Variants in PSMD5 observed in about 807,000 individuals in gnomAD.
PSMD5 encodes the protein proteasome 26S subunit, non-ATPase 5, also known as 26S proteasome non-ATPase regulatory subunit 5.
PSMD5 carries 40 observed loss-of-function variants against 52.1 expected under a neutral mutation model. That is an observed-to-expected ratio of 0.77 (90% CI 0.60 to 1.00). PSMD5 has a LOEUF of 1.00. Among genes scored for constraint, PSMD5 ranks in the 50% least tolerant of loss-of-function variants. The probability of loss-of-function intolerance (pLI) is 0.00; values close to 1 mark genes in which losing one functional copy is unlikely to be tolerated. For missense variants in PSMD5, 575 were observed against 605.2 expected (o/e 0.95, Z 0.52); for synonymous variants, 211 against 226.6 (o/e 0.93, Z 0.62).
At chr9:120,834,290 T>G (rs1445667896) in intron 1 of PSMD5, among the ~76,000 whole-genome samples, 6 of 152,032 alleles carry the variant, frequency 3.9e-5, no homozygotes, top group Non-Finnish European at 8.8e-5. Flanking sequence ...CGATATATTC[T>G]CTAGTCTTAA....
chr9:120,819,143 G>A (rs1014041543), intron 9 of PSMD5, among the ~76,000 whole-genome samples: 1 of 152,084 alleles, frequency 6.6e-6, no homozygotes, highest in Non-Finnish European at 1.5e-5. Flanking sequence ...AACCTATTAC[G>A]TTTTAATGAA....
At chr9:120,824,775 G>T in intron 6 of PSMD5, 90 bp from the exon 7 acceptor site, 1 of 1,101,234 alleles carries the variant, frequency 9.1e-7, no homozygotes, top group Non-Finnish European at 1.3e-6. Context: ...GAAATGAACT[G>T]CAGGCCAGAA....
intron 5 of PSMD5, among the ~76,000 whole-genome samples, chr9:120,828,443 C>CTT (rs34354549): frequency 0.026 from 3,463 of 132,524 alleles, 105 homozygotes; most frequent in African/African-American, 0.03. Flanking sequence ...AGCTCATATT[C>CTT]TTTTTTTTTT....
chr9:120,842,772 G>A lies in PSMD5; in HGVS notation c.138C>T (p.Leu46=), dbSNP rs149084514. ...CGTTAAGCAGGGAGAAGAGCGGGCC[G>A]AGGCGCAGCTCCGCCGCTTGCTGGC... ...ELRQQAAELR[L]GPLFSLLNEN... is the part of the protein sequence containing the mutation. The change falls in exon 1 of 10, where the codon CTC becomes CTT. Residue 46 remains leucine, a synonymous_variant. Coordinates refer to ENST00000210313, the MANE Select transcript of PSMD5 (RefSeq NM_005047.4). The A allele has an allele frequency of 1.4e-5, 22 of 1,613,086 alleles. No homozygotes were observed. The East Asian group carries it at 1.8e-4, about 13-fold the overall frequency.
At chr9:120,831,537 G>T in intron 3 of PSMD5, 78 bp from the exon 4 acceptor site, 1 of 1,459,874 alleles carries the variant, frequency 6.8e-7, no homozygotes. Context: ...TGTAAAAATA[G>T]TGCATGGAAT....
chr9:120,833,552 A>ACACAGACT (rs1464717924), intron 1 of PSMD5, 96 bp from the exon 2 acceptor site: 5 of 1,289,188 alleles, frequency 3.9e-6, no homozygotes, highest in Non-Finnish European at 4.3e-6. Context: ...CGTCTCCTCC[A>ACACAGACT]CACAGACTTC....
chr9:120,818,289 A>T (rs2045059460), intron 9 of PSMD5, 126 bp from the exon 10 acceptor site: 2 of 949,360 alleles, frequency 2.1e-6, no homozygotes, highest in East Asian at 5.3e-5. Flanking sequence ...GTCTAAGTAA[A>T]TTCCTTCCTG....
rs867009987 is a variant in PSMD5 at position 120,820,201 on chromosome 9, C to T, written c.1257+638G>A. Among the ~76,000 whole-genome samples, 4 of 152,324 alleles carry T rather than the reference C, an allele frequency of 2.6e-5. No individual in the cohort carries two copies. The South Asian group carries it at 6.2e-4, about 24-fold the overall frequency. On this transcript the variant is annotated intron_variant, in intron 9 of 9. Coordinates refer to ENST00000210313, the MANE Select transcript of PSMD5 (RefSeq NM_005047.4). ...GTAACTGTACAATTATATTTACTGC[C>T]TGGCTCCTTCAATAGACAGGAAACT...
chr9:120,840,088 C>T (rs2045224094), intron 1 of PSMD5, among the ~76,000 whole-genome samples: 1 of 144,284 alleles, frequency 6.9e-6, no homozygotes, highest in South Asian at 2.2e-4. Flanking sequence ...CATCCTGCCA[C>T]TGCACTCCAG....
intron 9 of PSMD5, among the ~76,000 whole-genome samples, chr9:120,818,756 GAAAAA>G (rs962992130): frequency 1.7e-5 from 2 of 117,900 alleles, no homozygotes; most frequent in Admixed American, 1.7e-4. Context: ...ACATTGAAGA[GAAAAA>G]AAAAAAAAGC....
chr9:120,821,693 C>T (rs1350449600), intron 7 of PSMD5, among the ~76,000 whole-genome samples: 3 of 152,206 alleles, frequency 2.0e-5, no homozygotes, highest in Non-Finnish European at 4.4e-5. Context: ...CCCCTGCCAA[C>T]CACTATTCTA....
intron 1 of PSMD5, among the ~76,000 whole-genome samples, chr9:120,835,708 G>A (rs566575190): frequency 1.3e-5 from 2 of 150,842 alleles, no homozygotes; most frequent in Non-Finnish European, 2.9e-5. Flanking sequence ...CAGCCTAGGC[G>A]ACAAGAACGA....
At chr9:120,821,698 A>G (rs1478273793) in intron 7 of PSMD5, among the ~76,000 whole-genome samples, 1 of 152,144 alleles carries the variant, frequency 6.6e-6, no homozygotes, top group Non-Finnish European at 1.5e-5. Context: ...GCCAACCACT[A>G]TTCTACCTCC....
Position 120,826,907 on chromosome 9 carries a change from T to G in PSMD5, c.672A>C (p.Arg224Ser). The G allele has an allele frequency of 1.2e-6, 2 of 1,606,690 alleles. No individual in the cohort carries two copies. Among genetic ancestry groups the G allele is most frequent in the Non-Finnish European group, 1.7e-6 (2 of 1,176,362 alleles). Residue 224 changes from arginine to serine, a missense_variant and splice_region_variant, in exon 6 of 10, where the codon AGA (arginine) becomes AGC (serine). Physicochemically the swap from Arg to Ser is moderately radical, Grantham distance 110. Coordinates refer to ENST00000210313, the MANE Select transcript of PSMD5 (RefSeq NM_005047.4). ...ATGTCACCATTTCTATACAGGTGGC[T>G]CTAAAATGTCAGAAGGACAAAAACA... ...RELTGEDVLVRATCIEMVTSL... is the reference protein window; with the variant it reads ...RELTGEDVLVSATCIEMVTSL...
rs538637200 is a variant in PSMD5, at chr9:120,841,155, C to A, written c.173+1582G>T. On this transcript the variant is annotated intron_variant, in intron 1 of 9. Coordinates refer to ENST00000210313, the MANE Select transcript of PSMD5 (RefSeq NM_005047.4). ...TTCCCTATTAATAGTTTCTGGTGTACCTTTGCAGATATTTGCAATGTTATA... is the reference window on the plus strand; with the variant it reads ...TTCCCTATTAATAGTTTCTGGTGTAACTTTGCAGATATTTGCAATGTTATA... Among the ~76,000 whole-genome samples, 20 of 152,332 alleles carry A rather than the reference C, an allele frequency of 1.3e-4. 1 individual carries two copies. Among genetic ancestry groups the A allele is most frequent in the Non-Finnish European group, 2.1e-4 (14 of 68,036 alleles).
rs1554813127 is a variant in PSMD5, at chr9:120,830,904, A to AT, written c.561+426_561+427insA. On this transcript the variant is annotated intron_variant, in intron 4 of 9. Coordinates refer to ENST00000210313, the MANE Select transcript of PSMD5 (RefSeq NM_005047.4). Reference sequence around the variant, plus strand: ...CACTGTAAATATATATATATATATAAAAAGGGTCTTGCTCTGTTGGCCAGG... The same window carrying AT: ...CACTGTAAATATATATATATATATAATAAAGGGTCTTGCTCTGTTGGCCAGG... 5.7e-3 allele frequency among the ~76,000 whole-genome samples: 773 copies of AT among 134,568 alleles called. 7 individuals are homozygous for AT. The highest frequency in any genetic ancestry group is 0.016 in the African/African-American group (607 of 37,116). 88.3% of individuals were successfully genotyped at this position (134,568 alleles called of 152,430 possible). A position where few individuals can be genotyped will look rare whatever the true frequency, so the allele number is the denominator to read the frequency against.
chr9:120,822,953 C>T (rs956106255), intron 7 of PSMD5, among the ~76,000 whole-genome samples: 2 of 152,026 alleles, frequency 1.3e-5, no homozygotes, highest in African/African-American at 2.4e-5. Flanking sequence ...CTCAGCCTCC[C>T]GAGTGGCTGG....
intron 1 of PSMD5, among the ~76,000 whole-genome samples, chr9:120,841,552 C>T (rs1350491060): frequency 6.6e-6 from 1 of 152,124 alleles, no homozygotes; most frequent in Non-Finnish European, 1.5e-5. Context: ...GCACTCCAAC[C>T]TGGGAGACAG....
chr9:120,817,837 A>T lies in PSMD5; in HGVS notation c.*69T>A. ...AAAGGAAGTCTCTTTTGTGAAATAT[A>T]GATGGAGTCAAATGCCTTAGGAGAA... On this transcript the variant is annotated 3_prime_UTR_variant, in exon 10 of 10. Coordinates refer to ENST00000210313, the MANE Select transcript of PSMD5 (RefSeq NM_005047.4). 1 of 1,465,408 alleles carries T rather than the reference A, an allele frequency of 6.8e-7. No individual in the cohort carries two copies. Among genetic ancestry groups the T allele is most frequent in the South Asian group, 1.3e-5 (1 of 75,454 alleles). 90.8% of individuals were successfully genotyped at this position (1,465,408 alleles called of 1,614,324 possible).
Sources: allele counts gnomAD v4.1 joint callset (sites outside exome capture counted in the v4.1 genomes callset), GRCh38; gene constraint gnomAD v4.1.1; transcripts MANE v1.5; gene names NCBI Gene and HGNC (gene_info 2026-07-23, HGNC 2026-07-21).